Variants in CLEC16A observed in about 807,000 individuals in gnomAD.
The protein encoded by CLEC16A is protein CLEC16A.
Under a neutral mutation model 109.5 loss-of-function variants are expected in CLEC16A, and 51 were observed. The ratio of observed to expected loss-of-function variants is 0.47; its 90% CI spans 0.37 to 0.59. The LOEUF (loss-of-function observed/expected upper bound fraction) is 0.59, where lower values mean the gene tolerates loss of function less well. Ranked by LOEUF, CLEC16A falls within the 20% of genes least tolerant of loss-of-function variation. CLEC16A has a pLI of 0.00. For synonymous variants in CLEC16A, 673 were observed against 564.2 expected (o/e 1.19, Z -2.73); for missense variants, 1,339 against 1,394.0 (o/e 0.96, Z 0.63).
intron 1 of CLEC16A, among the ~76,000 whole-genome samples, 159 bp downstream of exon 1, chr16:10,944,956 T>G (rs2145530065): frequency 6.6e-6 from 1 of 152,304 alleles, no homozygotes; most frequent in Middle Eastern, 3.4e-3. Context: ...TCAGGGCGCC[T>G]GGGTTCGAAC....
At chr16:10,949,438 G>C (rs2041609158) in intron 1 of CLEC16A, among the ~76,000 whole-genome samples, 1 of 152,040 alleles carries the variant, frequency 6.6e-6, no homozygotes, top group Non-Finnish European at 1.5e-5. Flanking sequence ...CCAGGCAGCG[G>C]GGTGTCAGGT....
intron 4 of CLEC16A, among the ~76,000 whole-genome samples, chr16:10,970,339 C>T (rs895191535): frequency 2.0e-5 from 3 of 152,222 alleles, no homozygotes; most frequent in African/African-American, 7.2e-5. Flanking sequence ...CACCAGCCTT[C>T]CCCTCATGTT....
chr16:10,960,363 T>C (rs779117171), intron 2 of CLEC16A, among the ~76,000 whole-genome samples: 11 of 152,200 alleles, frequency 7.2e-5, no homozygotes, highest in Non-Finnish European at 1.2e-4. Context: ...TTTTGAGAAA[T>C]GCTAGCCAGG....
chr16:10,969,012 A>G, intron 3 of CLEC16A, 149 bp from the exon 4 acceptor site: 4 of 602,380 alleles, frequency 6.6e-6, no homozygotes, highest in Non-Finnish European at 8.4e-6. Flanking sequence ...TTTGCTGGTT[A>G]AAAGTTAAGC....
intron 14 of CLEC16A, 26 bp downstream of exon 14, chr16:11,039,902 C>T (rs752344201): frequency 1.2e-6 from 2 of 1,608,160 alleles, no homozygotes; most frequent in Non-Finnish European, 1.7e-6. Flanking sequence ...GTTGTCTGTC[C>T]ACAGGGCCAC....
At chr16:11,005,027 G>T (rs943230881) in intron 11 of CLEC16A, among the ~76,000 whole-genome samples, 1 of 152,142 alleles carries the variant, frequency 6.6e-6, no homozygotes, top group Non-Finnish European at 1.5e-5. Flanking sequence ...TGCCACACTG[G>T]GGGAGAAATG....
chr16:10,995,123 A>T (rs2044252316), intron 10 of CLEC16A, among the ~76,000 whole-genome samples: 1 of 152,164 alleles, frequency 6.6e-6, no homozygotes, highest in Admixed American at 6.5e-5. Flanking sequence ...TGCTGGGCAC[A>T]TTTTAAGTGT....
intron 10 of CLEC16A, among the ~76,000 whole-genome samples, chr16:10,998,210 G>C (rs2044444790): frequency 6.6e-6 from 1 of 152,218 alleles, no homozygotes. Flanking sequence ...TCATTAACCA[G>C]CAGGCAGGTG....
At position 10,982,999 on chromosome 16, in the gene CLEC16A, A is replaced by G. The variant is rs2043413946; in HGVS notation, c.1071+8A>G. 2.0e-6 allele frequency: 3 copies of G among 1,488,188 alleles called. No homozygotes were observed. Among genetic ancestry groups the G allele is most frequent in the African/African-American group, 2.8e-5 (2 of 72,386 alleles). The allele number at this position is 1,488,188 out of a possible 1,614,324, so 92.2% of individuals were successfully genotyped here. On this transcript the variant is annotated splice_region_variant and intron_variant, in intron 10 of 23. Transcript: ENST00000409790. ...GATATTCAGAGAAGTTCTGTAAGTC[A>G]TTAGCTTCGGGACTGACCTTAACAG...
intron 22 of CLEC16A, among the ~76,000 whole-genome samples, chr16:11,144,290 C>T (rs1052990924): frequency 6.6e-6 from 1 of 152,240 alleles, no homozygotes; most frequent in Non-Finnish European, 1.5e-5. Flanking sequence ...AGCTGGACAG[C>T]GGCCTCAGTC....
intron 22 of CLEC16A, among the ~76,000 whole-genome samples, chr16:11,156,275 C>T (rs2054513153): frequency 6.7e-6 from 1 of 150,136 alleles, no homozygotes; most frequent in Non-Finnish European, 1.5e-5. Context: ...GAGGCTGAGG[C>T]AGGAGAATCA....
At chr16:11,129,371 C>T (rs916231229) in intron 22 of CLEC16A, among the ~76,000 whole-genome samples, 6 of 152,198 alleles carry the variant, frequency 3.9e-5, no homozygotes, top group African/African-American at 1.2e-4. Context: ...ATTGATCTTG[C>T]ACATTTCTGC....
At chr16:10,946,727 T>C (rs2041398319) in intron 1 of CLEC16A, among the ~76,000 whole-genome samples, 1 of 152,204 alleles carries the variant, frequency 6.6e-6, no homozygotes, top group Admixed American at 6.5e-5. Flanking sequence ...ATCGAATGCA[T>C]TATTCTGTAC....
intron 18 of CLEC16A, among the ~76,000 whole-genome samples, chr16:11,055,575 C>CTTTTTTTGTTT (rs2048169938): frequency 2.4e-5 from 1 of 41,756 alleles, no homozygotes; most frequent in Non-Finnish European, 4.2e-5. Context: ...TTCCCTCTTG[C>CTTTTTTTGTTT]TTTTTTTTTT....
chr16:11,005,019 C>T (rs147038558), intron 11 of CLEC16A, among the ~76,000 whole-genome samples: 2 of 152,162 alleles, frequency 1.3e-5, no homozygotes, highest in Non-Finnish European at 2.9e-5. Context: ...TGTTCTGTTG[C>T]CACACTGGGG....
chr16:11,027,469 G>A (rs1485138728), intron 13 of CLEC16A: 43 of 1,580,388 alleles, frequency 2.7e-5, no homozygotes, highest in East Asian at 8.9e-5. Flanking sequence ...AAGTCTGTCC[G>A]AGAACTCATT....
chr16:11,116,060 G>T (rs561015403), intron 19 of CLEC16A, among the ~76,000 whole-genome samples: 1 of 151,998 alleles, frequency 6.6e-6, no homozygotes, highest in Admixed American at 6.5e-5. Flanking sequence ...CTGGACTGTT[G>T]GGAAAGGAAA....
At chr16:11,012,552 G>A (rs1192115446) in intron 11 of CLEC16A, among the ~76,000 whole-genome samples, 2 of 127,388 alleles carry the variant, frequency 1.6e-5, no homozygotes, top group South Asian at 2.6e-4. Context: ...CCGAGATCAC[G>A]CCACTGCACT....
intron 14 of CLEC16A, chr16:11,040,103 G>A: frequency 2.0e-6 from 1 of 489,676 alleles, no homozygotes; most frequent in Non-Finnish European, 3.5e-6. Context: ...CTGCCACTTG[G>A]TAACCATCTT....
Sources: gnomAD v4.1 joint callset for allele counts (sites outside exome capture counted in the v4.1 genomes callset) on GRCh38, gnomAD v4.1.1 for gene constraint, MANE v1.5 for transcripts, NCBI Gene and HGNC (gene_info 2026-07-23, HGNC 2026-07-21) for gene names.